Variants in CSMD2 observed in about 807,000 individuals in gnomAD.
The protein encoded by CSMD2 is CUB and Sushi multiple domains 2.
CSMD2 carries 130 observed loss-of-function variants against 398.5 expected under a neutral mutation model. That is an observed-to-expected ratio of 0.33 (90% CI 0.28 to 0.38). The LOEUF is 0.38. Ranked by LOEUF, CSMD2 falls within the 10% of genes least tolerant of loss-of-function variation. The pLI, the probability that CSMD2 is intolerant of heterozygous loss-of-function variation, is 1.00. For synonymous variants in CSMD2, 1,828 were observed against 1,908.5 expected (o/e 0.96, Z 1.10); for missense variants, 3,829 against 4,764.9 (o/e 0.80, Z 5.78).
chr1:33,791,133 T>C (rs545170), intron 11 of CSMD2, among the ~76,000 whole-genome samples: 145,991 of 152,336 alleles, frequency 0.96, 69,976 homozygotes, highest in East Asian at 0.99. Flanking sequence ...ATGGCCATTT[T>C]TCATTCAGCA....
chr1:33,927,121 AG>A (rs2125306949), intron 4 of CSMD2, among the ~76,000 whole-genome samples: 1 of 152,318 alleles, frequency 6.6e-6, no homozygotes, highest in South Asian at 2.1e-4. Flanking sequence ...TGAGAGCACC[AG>A]GGCAGGAGTG....
chr1:33,702,672 T>C (rs1456213804), intron 22 of CSMD2, among the ~76,000 whole-genome samples: 1 of 152,212 alleles, frequency 6.6e-6, no homozygotes, highest in Non-Finnish European at 1.5e-5. Context: ...AGTCATTAAA[T>C]ATTTTTTCCA....
At chr1:34,069,848 C>A (rs1207239346) in intron 2 of CSMD2, among the ~76,000 whole-genome samples, 1 of 152,150 alleles carries the variant, frequency 6.6e-6, no homozygotes, top group African/African-American at 2.4e-5. Context: ...GATTTAGATA[C>A]CTTATTTTTC....
chr1:33,538,536 C>G (rs1656021675), intron 60 of CSMD2, among the ~76,000 whole-genome samples: 1 of 152,072 alleles, frequency 6.6e-6, no homozygotes, highest in Non-Finnish European at 1.5e-5. Flanking sequence ...TAACCACATG[C>G]AAAATAAAAT....
intron 5 of CSMD2, among the ~76,000 whole-genome samples, chr1:33,876,081 C>A (rs1640821211): frequency 6.6e-6 from 1 of 152,206 alleles, no homozygotes. Flanking sequence ...TCCTTCTCAG[C>A]AGGCCCTGTT....
At position 33,691,707 on chromosome 1, in the gene CSMD2, A is replaced by G. The variant is rs16835724; in HGVS notation, c.4052+1223T>C. Among the ~76,000 whole-genome samples, 371 of 152,260 alleles carry G rather than the reference A, an allele frequency of 2.4e-3. 4 individuals are homozygous for G. Among genetic ancestry groups the G allele is most frequent in the African/African-American group, 8.7e-3 (361 of 41,542 alleles). On this transcript the variant is annotated intron_variant, in intron 25 of 70. Transcript: ENST00000373381. ...TCTCCCCATGAGCTCTCTACACTGC[A>G]AATAACCCTGGTGGACCGACGCTGC...
At chr1:33,643,164 C>A (rs1643209604) in intron 29 of CSMD2, among the ~76,000 whole-genome samples, 1 of 152,344 alleles carries the variant, frequency 6.6e-6, no homozygotes, top group Non-Finnish European at 1.5e-5. Context: ...GGACCCAGCC[C>A]TGCCTCCCTG....
intron 5 of CSMD2, among the ~76,000 whole-genome samples, chr1:33,857,343 T>C (rs1355950098): frequency 6.6e-6 from 1 of 152,192 alleles, no homozygotes; most frequent in Non-Finnish European, 1.5e-5. Flanking sequence ...TAATGCCTTA[T>C]ACTTTGGCTT....
chr1:34,161,256 C>T (rs76598570), intron 1 of CSMD2, among the ~76,000 whole-genome samples: 1 of 152,184 alleles, frequency 6.6e-6, no homozygotes, highest in Admixed American at 6.5e-5. Context: ...CAAGGATCAG[C>T]TGGATACATG....
intron 2 of CSMD2, among the ~76,000 whole-genome samples, chr1:34,081,601 G>A (rs59287755): frequency 0.019 from 2,856 of 152,224 alleles, 88 homozygotes; most frequent in African/African-American, 0.065. Flanking sequence ...GTATTTTTTG[G>A]TGGAGACGGG....
At chr1:33,632,865 T>C (rs1642548090) in intron 32 of CSMD2, among the ~76,000 whole-genome samples, 1 of 152,208 alleles carries the variant, frequency 6.6e-6, no homozygotes, top group African/African-American at 2.4e-5. Context: ...ACATAAATTT[T>C]AACTAACTGT....
intron 3 of CSMD2, among the ~76,000 whole-genome samples, chr1:33,995,973 A>G (rs1646713820): frequency 6.6e-6 from 1 of 152,202 alleles, no homozygotes; most frequent in Admixed American, 6.5e-5. Flanking sequence ...ACAATTGACA[A>G]GGTAGGGACA....
At chr1:33,971,795 C>G (rs950989616) in intron 3 of CSMD2, among the ~76,000 whole-genome samples, 7 of 152,166 alleles carry the variant, frequency 4.6e-5, no homozygotes, top group African/African-American at 1.4e-4. Context: ...ACCCTCCCAG[C>G]TTGGTTCCTC....
At chr1:33,688,811 C>T (rs1193477608) in intron 25 of CSMD2, among the ~76,000 whole-genome samples, 1 of 151,950 alleles carries the variant, frequency 6.6e-6, no homozygotes, top group African/African-American at 2.4e-5. Context: ...ACAAGACTGT[C>T]CAACCCTCCT....
chr1:34,032,619 G>A lies in CSMD2; in HGVS notation c.492C>T (p.Ala164=). The A allele has an allele frequency of 6.3e-7, 1 of 1,597,274 alleles. No homozygotes were observed. Among genetic ancestry groups the A allele is most frequent in the African/African-American group, 1.3e-5 (1 of 74,664 alleles). The change falls in exon 3 of 71, where the codon GCC becomes GCT. Residue 164 remains alanine, a synonymous_variant. Coordinates refer to ENST00000373381, the MANE Select transcript of CSMD2 (RefSeq NM_001281956.2). ...LRLISDYAVS[A]QGFHATYEVL... ...CTTCATAGGTGGCGTGGAAGCCTTG[G>A]GCACTGACTGCATAGTCGCTGATGA...
intron 20 of CSMD2, among the ~76,000 whole-genome samples, chr1:33,716,012 C>T (rs1646155652): frequency 6.6e-6 from 1 of 151,952 alleles, no homozygotes; most frequent in African/African-American, 2.4e-5. Flanking sequence ...TCCTCTAGTT[C>T]ATCCAGCTAG....
At chr1:33,572,391 GTT>G (rs34459850) in intron 50 of CSMD2, 113 bp downstream of exon 50, 12,001 of 813,386 alleles carry the variant, frequency 0.015, 1 homozygote, top group East Asian at 0.022. Flanking sequence ...CCATGTCCAT[GTT>G]TTTTTTTTTT....
At chr1:34,005,209 C>T (rs1647020819) in intron 3 of CSMD2, among the ~76,000 whole-genome samples, 1 of 152,168 alleles carries the variant, frequency 6.6e-6, no homozygotes. Flanking sequence ...ACCCTCTCTG[C>T]CTTGGCCAAG....
At chr1:33,692,826 G>T in intron 25 of CSMD2, 104 bp downstream of exon 25, 2 of 1,415,404 alleles carry the variant, frequency 1.4e-6, no homozygotes, top group Non-Finnish European at 9.8e-7. Flanking sequence ...GGTTCTCCAG[G>T]TGAGGCAGGC....
Sources: allele counts gnomAD v4.1 joint callset (sites outside exome capture counted in the v4.1 genomes callset), GRCh38; gene constraint gnomAD v4.1.1; transcripts MANE v1.5; gene names NCBI Gene and HGNC (gene_info 2026-07-23, HGNC 2026-07-21).